OPCML: variants seen among roughly 807,000 people sequenced by gnomAD.
OPCML encodes the protein opioid-binding protein/cell adhesion molecule.
Under a neutral mutation model 37.8 loss-of-function variants are expected in OPCML, and 13 were observed. The ratio of observed to expected loss-of-function variants is 0.34; its 90% confidence interval spans 0.22 to 0.55. The LOEUF is 0.55. Ranked by LOEUF, OPCML falls within the 20% of genes least tolerant of loss-of-function variation. The pLI is 0.91. For missense variants in OPCML, 341 were observed against 435.6 expected, an observed-to-expected ratio of 0.78 and a Z score of 1.93; for synonymous variants, 176 against 168.8, an observed-to-expected ratio of 1.04 and a Z score of -0.33.
intron 1 of OPCML, among the ~76,000 whole-genome samples, chr11:133,220,869 T>A (rs2136362257): frequency 6.6e-6 from 1 of 152,288 alleles, no homozygotes; most frequent in African/African-American, 2.4e-5. Flanking sequence ...GGAGAACTGT[T>A]TCCTTCAGGT....
At chr11:132,478,611 T>A (rs1050099864) in intron 4 of OPCML, among the ~76,000 whole-genome samples, 2 of 152,216 alleles carry the variant, frequency 1.3e-5, no homozygotes, top group African/African-American at 4.8e-5. Flanking sequence ...AACTCAACAG[T>A]GAACATGGTG....
intron 4 of OPCML, among the ~76,000 whole-genome samples, chr11:132,521,573 C>A (rs1282109868): frequency 6.6e-6 from 1 of 151,416 alleles, no homozygotes; most frequent in African/African-American, 2.4e-5. Context: ...TCTCTGGACA[C>A]AGGGAGGAGA....
At chr11:132,950,490 A>G (rs1945834958) in intron 1 of OPCML, among the ~76,000 whole-genome samples, 1 of 152,202 alleles carries the variant, frequency 6.6e-6, no homozygotes, top group African/African-American at 2.4e-5. Flanking sequence ...ATGAATAAAG[A>G]GTTCTGATTA....
intron 2 of OPCML, among the ~76,000 whole-genome samples, chr11:132,790,606 A>G (rs868266014): frequency 3.4e-4 from 52 of 152,210 alleles, no homozygotes; most frequent in African/African-American, 1.1e-3. Context: ...GTGATTGTCA[A>G]ATTGTGTGAG....
intron 1 of OPCML, among the ~76,000 whole-genome samples, chr11:133,465,689 G>A (rs938464451): frequency 6.6e-6 from 1 of 152,138 alleles, no homozygotes; most frequent in Non-Finnish European, 1.5e-5. Context: ...TCAGACAGAA[G>A]CTCAACTCCC....
intron 3 of OPCML, among the ~76,000 whole-genome samples, chr11:132,554,874 T>TTG (rs1479061841): frequency 1.7e-4 from 23 of 132,020 alleles, no homozygotes; most frequent in Non-Finnish European, 3.3e-4. Flanking sequence ...TTTTTTTTTT[T>TTG]TTTTTTTTTT....
chr11:132,782,200 G>A (rs1947056366), intron 2 of OPCML, among the ~76,000 whole-genome samples: 1 of 151,488 alleles, frequency 6.6e-6, no homozygotes, highest in Non-Finnish European at 1.5e-5. Context: ...ATGAAGTGAG[G>A]AGAGGAAGCG....
chr11:133,259,997 A>G (rs1370156340), intron 1 of OPCML, among the ~76,000 whole-genome samples: 1 of 152,178 alleles, frequency 6.6e-6, no homozygotes, highest in African/African-American at 2.4e-5. Context: ...TGAATAAACA[A>G]TATATGGGCA....
chr11:133,387,481 C>T (rs952215679), intron 1 of OPCML, among the ~76,000 whole-genome samples: 4 of 152,200 alleles, frequency 2.6e-5, no homozygotes, highest in African/African-American at 9.6e-5. Flanking sequence ...CCTTTCAGTG[C>T]CCCAACAGGC....
chr11:133,191,225 T>C (rs529151798), intron 1 of OPCML, among the ~76,000 whole-genome samples: 1 of 152,198 alleles, frequency 6.6e-6, no homozygotes, highest in East Asian at 1.9e-4. Context: ...TAATGATCAG[T>C]GATGACAAGC....
chr11:133,516,688 C>T (rs568854641), intron 1 of OPCML, among the ~76,000 whole-genome samples: 67 of 152,104 alleles, frequency 4.4e-4, no homozygotes, highest in South Asian at 6.2e-4. Context: ...GGTGCAGAGC[C>T]GGTGCAGAGC....
chr11:133,092,905 T>C (rs1266362864), intron 1 of OPCML, among the ~76,000 whole-genome samples: 2 of 152,066 alleles, frequency 1.3e-5, no homozygotes, highest in Admixed American at 1.3e-4. Context: ...TAGTGCCAGT[T>C]ATCCCTGAGA....
At chr11:132,526,514 A>G (rs2096308864) in intron 4 of OPCML, among the ~76,000 whole-genome samples, 1 of 152,156 alleles carries the variant, frequency 6.6e-6, no homozygotes, top group Non-Finnish European at 1.5e-5. Context: ...TCTTTATACC[A>G]AGAATATTAG....
At chr11:133,084,822 C>T (rs1948794631) in intron 1 of OPCML, among the ~76,000 whole-genome samples, 1 of 150,922 alleles carries the variant, frequency 6.6e-6, no homozygotes, top group Non-Finnish European at 1.5e-5. Context: ...ACTTAGAACT[C>T]AAACTCAAAT....
intron 2 of OPCML, among the ~76,000 whole-genome samples, chr11:132,746,075 C>T (rs182933070): frequency 6.6e-6 from 1 of 151,874 alleles, no homozygotes; most frequent in Non-Finnish European, 1.5e-5. Flanking sequence ...TTGCCCTCCC[C>T]AAGCTCTTCA....
At chr11:133,193,525 A>G (rs946912140) in intron 1 of OPCML, among the ~76,000 whole-genome samples, 16 of 152,210 alleles carry the variant, frequency 1.1e-4, no homozygotes, top group Non-Finnish European at 1.2e-4. Flanking sequence ...ATGACCACAA[A>G]GACAATATTT....
intron 1 of OPCML, among the ~76,000 whole-genome samples, chr11:132,951,468 C>T (rs1489652831): frequency 1.3e-5 from 2 of 152,236 alleles, no homozygotes; most frequent in South Asian, 2.1e-4. Context: ...ACCCCTTTAA[C>T]TTTAATCACC....
chr11:132,581,711 G>A (rs118123174), intron 3 of OPCML, among the ~76,000 whole-genome samples: 1 of 152,070 alleles, frequency 6.6e-6, no homozygotes, highest in Non-Finnish European at 1.5e-5. Context: ...ATACTTTTAG[G>A]TAGAGAAAAC....
At chr11:132,517,069 T>C (rs537155267) in intron 4 of OPCML, among the ~76,000 whole-genome samples, 1 of 152,260 alleles carries the variant, frequency 6.6e-6, no homozygotes, top group Non-Finnish European at 1.5e-5. Flanking sequence ...CCAGTCACCT[T>C]GTGGTACCAT....
Sources: gnomAD v4.1 joint callset for allele counts (sites outside exome capture counted in the v4.1 genomes callset) on GRCh38, gnomAD v4.1.1 for gene constraint, MANE v1.5 for transcripts, NCBI Gene and HGNC (gene_info 2026-07-23, HGNC 2026-07-21) for gene names.